SPRY3: variants seen among roughly 807,000 people sequenced by gnomAD.
SPRY3 encodes the protein protein sprouty homolog 3.
A neutral mutation model predicts 20.2 loss-of-function variants in SPRY3; 15 were observed. The ratio of observed to expected loss-of-function variants is 0.74; its 90% CI spans 0.50 to 1.14. The LOEUF is 1.14. Among genes scored for constraint, SPRY3 ranks in the 50% most tolerant of loss-of-function variants. The pLI, the probability that SPRY3 is intolerant of heterozygous loss-of-function variation, is 0.00. For synonymous variants in SPRY3, 143 were observed against 136.5 expected (o/e 1.05, Z -0.33); for missense variants, 364 against 363.9 (o/e 1.00, Z 0.00).
At chrX:155,663,726 G>T (rs1204781330) in intron 2 of SPRY3, among the ~76,000 whole-genome samples, 1 of 111,277 alleles carries the variant, frequency 9.0e-6, no homozygotes, top group Non-Finnish European at 1.9e-5. Flanking sequence ...TTTTGGAATT[G>T]GGGCCCAGCA....
At chrX:155,710,499 TATGTTGA>T (rs1414812145) in intron 2 of SPRY3, among the ~76,000 whole-genome samples, 1 of 151,748 alleles carries the variant, frequency 6.6e-6, no homozygotes, top group African/African-American at 2.4e-5. Context: ...TTGAGTTTTG[TATGTTGA>T]TTTTGTATCC....
intron 2 of SPRY3, among the ~76,000 whole-genome samples, chrX:155,719,759 A>G (rs1199792921): frequency 6.6e-6 from 1 of 152,120 alleles, no homozygotes; most frequent in Non-Finnish European, 1.5e-5. Flanking sequence ...GGAAGGACCC[A>G]GTCCTGGCAG....
chrX:155,705,222 A>T (rs1321828879), intron 2 of SPRY3, among the ~76,000 whole-genome samples: 1 of 151,554 alleles, frequency 6.6e-6, no homozygotes, highest in Non-Finnish European at 1.5e-5. Context: ...TGCTAACAAA[A>T]GCACAATGGA....
At chrX:155,780,725 C>T (rs1223029035), downstream of SPRY3, 4 of 166,852 alleles carry the variant, frequency 2.4e-5, no homozygotes, top group Admixed American at 6.6e-5. Context: ...CAACTTTACT[C>T]GTGAATTTTT....
chrX:155,732,135 A>G (rs2091136933), intron 2 of SPRY3, among the ~76,000 whole-genome samples: 1 of 152,074 alleles, frequency 6.6e-6, no homozygotes, highest in African/African-American at 2.4e-5. Flanking sequence ...TGAGTTTTCC[A>G]AAATAGACGA....
intron 2 of SPRY3, among the ~76,000 whole-genome samples, chrX:155,671,072 A>T (rs2068039006): frequency 9.0e-6 from 1 of 111,652 alleles, no homozygotes; most frequent in Non-Finnish European, 1.9e-5. Context: ...GACCACTGTA[A>T]TCCCACCTTG....
chrX:155,613,972 T>C (rs2067841419), intron 1 of SPRY3, among the ~76,000 whole-genome samples: 1 of 111,551 alleles, frequency 9.0e-6, no homozygotes, highest in Non-Finnish European at 1.9e-5. Context: ...AAGCACAGAG[T>C]CTAAAATGTC....
At chrX:155,618,950 T>C (rs2067862498) in intron 1 of SPRY3, among the ~76,000 whole-genome samples, 1 of 111,452 alleles carries the variant, frequency 9.0e-6, no homozygotes, top group Non-Finnish European at 1.9e-5. Flanking sequence ...ACTAATTCTT[T>C]GTTAGATATG....
exon 4 of SPRY3, chrX:155,774,576 G>T: frequency 6.2e-7 from 1 of 1,613,972 alleles, no homozygotes; most frequent in Non-Finnish European, 8.5e-7. Context: ...TACCCTGCCT[G>T]TGCTGCTACC....
chrX:155,712,907 T>C (rs992126311), intron 2 of SPRY3, among the ~76,000 whole-genome samples: 1 of 152,050 alleles, frequency 6.6e-6, no homozygotes, highest in Admixed American at 6.6e-5. Flanking sequence ...GATTTTAAAC[T>C]GCTGACAATT....
intron 1 of SPRY3, among the ~76,000 whole-genome samples, chrX:155,652,355 T>A (rs2067979911): frequency 9.0e-6 from 1 of 111,625 alleles, no homozygotes; most frequent in Non-Finnish European, 1.9e-5. Flanking sequence ...CTAACTATTT[T>A]TTTTTTATCC....
At chrX:155,693,936 A>G (rs1480270095) in intron 2 of SPRY3, among the ~76,000 whole-genome samples, 1 of 111,655 alleles carries the variant, frequency 9.0e-6, no homozygotes, top group Admixed American at 9.5e-5. Context: ...CTGAGTAGCT[A>G]GGAATGACTA....
intron 2 of SPRY3, among the ~76,000 whole-genome samples, chrX:155,683,396 T>C (rs986050592): frequency 8.9e-6 from 1 of 112,058 alleles, no homozygotes; most frequent in Non-Finnish European, 1.9e-5. Flanking sequence ...GACACCAACA[T>C]TGAGGCAAGA....
chrX:155,625,457 A>G (rs1361086467), intron 1 of SPRY3, among the ~76,000 whole-genome samples: 1 of 111,851 alleles, frequency 8.9e-6, no homozygotes, highest in Non-Finnish European at 1.9e-5. Context: ...GATATCAAAT[A>G]TATAGTCAGT....
intron 1 of SPRY3, among the ~76,000 whole-genome samples, chrX:155,628,283 A>C (rs942660342): frequency 3.6e-5 from 4 of 111,783 alleles, no homozygotes; most frequent in Non-Finnish European, 7.5e-5. Flanking sequence ...AACAGTGTAA[A>C]AGTGTTCCTA....
In SPRY3 at chrX:155,686,616, C is replaced by T. The variant is rs1312496440; in HGVS notation, c.-282+29591C>T. ...TGGAGTCACTTCTCCAAGTTCCTCT[C>T]TCTGTTATCTCCCAGTATTTTTCTG... On this transcript the variant is annotated intron_variant, in intron 2 of 3. Transcript: ENST00000675360. Among the ~76,000 whole-genome samples, 4 of 111,471 alleles carry T rather than the reference C, an allele frequency of 3.6e-5. No homozygotes were observed. The East Asian group carries it at 1.1e-3, about 31-fold the overall frequency.
intron 3 of SPRY3, among the ~76,000 whole-genome samples, chrX:155,770,576 G>C (rs1051680924): frequency 6.6e-6 from 1 of 151,902 alleles, no homozygotes; most frequent in Non-Finnish European, 1.5e-5. Context: ...TCAATGTGCA[G>C]CCAAGACCTG....
intron 2 of SPRY3, among the ~76,000 whole-genome samples, chrX:155,719,413 G>A: frequency 6.6e-6 from 1 of 152,134 alleles, no homozygotes; most frequent in South Asian, 2.1e-4. Context: ...ACCTCTAGGC[G>A]AGTCCTAGTG....
intron 2 of SPRY3, among the ~76,000 whole-genome samples, chrX:155,731,292 A>G (rs1001666513): frequency 3.3e-5 from 5 of 152,066 alleles, no homozygotes; most frequent in African/African-American, 1.2e-4. Context: ...AAACAGCATG[A>G]TACTGGCATA....
Sources: gnomAD v4.1 joint callset for allele counts (sites outside exome capture counted in the v4.1 genomes callset) on GRCh38, gnomAD v4.1.1 for gene constraint, MANE v1.5 for transcripts, NCBI Gene and HGNC (gene_info 2026-07-23, HGNC 2026-07-21) for gene names.